CDH13: variants seen among roughly 807,000 people sequenced by gnomAD.
The protein encoded by CDH13 is cadherin-13.
CDH13 carries 24 observed loss-of-function variants against 63.8 expected under a neutral mutation model. The ratio of observed to expected loss-of-function variants is 0.38; its 90% CI spans 0.27 to 0.53. CDH13 has a LOEUF of 0.53. CDH13 is among the 20% of genes least tolerant of loss of function. The probability of loss-of-function intolerance (pLI) is 0.85; values close to 1 mark genes in which losing one functional copy is unlikely to be tolerated. For missense variants in CDH13, 1,049 were observed against 903.1 expected (o/e 1.16, Z -2.07); for synonymous variants, 503 against 355.3 (o/e 1.42, Z -4.67).
At chr16:82,685,387 A>G (rs1337901771) in intron 1 of CDH13, among the ~76,000 whole-genome samples, 2 of 152,188 alleles carry the variant, frequency 1.3e-5, no homozygotes, top group African/African-American at 4.8e-5. Context: ...TACTAATCCC[A>G]TTCATAATGG....
rs74416442 is a variant in CDH13, at chr16:82,802,196, C to T, written c.46-56166C>T. ...CCAAGAGAGGAGGCCAAGCATGCTCCAGTGGCCGCAGAAAGTCCTCAGCAG... is the reference window on the plus strand; with the variant it reads ...CCAAGAGAGGAGGCCAAGCATGCTCTAGTGGCCGCAGAAAGTCCTCAGCAG... On this transcript the variant is annotated intron_variant, in intron 1 of 13. Transcript: ENST00000567109. 4.1e-3 allele frequency among the ~76,000 whole-genome samples: 619 copies of T among 152,232 alleles called. 6 individuals are homozygous for T. Among genetic ancestry groups the T allele is most frequent in the South Asian group, 0.022 (107 of 4,818 alleles).
chr16:83,278,779 A>G (rs2089072407), intron 5 of CDH13, among the ~76,000 whole-genome samples: 1 of 152,212 alleles, frequency 6.6e-6, no homozygotes, highest in Non-Finnish European at 1.5e-5. Context: ...TCTGATTCGC[A>G]TTCTGTGAAG....
chr16:83,681,829 A>G (rs1293319707), intron 10 of CDH13, among the ~76,000 whole-genome samples: 1 of 152,098 alleles, frequency 6.6e-6, no homozygotes, highest in Non-Finnish European at 1.5e-5. Flanking sequence ...TAATCTAATC[A>G]TCTGCGCTGG....
intron 6 of CDH13, among the ~76,000 whole-genome samples, chr16:83,421,453 A>T (rs1489245126): frequency 1.3e-5 from 2 of 152,190 alleles, no homozygotes; most frequent in Non-Finnish European, 2.9e-5. Context: ...TATCCTCTGC[A>T]TGTTGACTTC....
chr16:83,731,650 T>G (rs1197715945), intron 10 of CDH13, among the ~76,000 whole-genome samples: 1 of 152,222 alleles, frequency 6.6e-6, no homozygotes, highest in Admixed American at 6.5e-5. Context: ...CCAATTTTTG[T>G]TTTTGGTGCA....
At chr16:83,551,394 A>G (rs748519296) in intron 7 of CDH13, among the ~76,000 whole-genome samples, 5 of 152,160 alleles carry the variant, frequency 3.3e-5, no homozygotes, top group Admixed American at 6.5e-5. Flanking sequence ...AAGTCTCATC[A>G]TGTTACAACC....
rs528306334 is a variant in CDH13 at position 83,582,877 on chromosome 16, G to C, written c.961-19577G>C. ...AGAAGCATGGTCCATCCACTGAGCA[G>C]AATGGCCATTGGTGGAGTTTGCACT... On this transcript the variant is annotated intron_variant, in intron 7 of 13. Transcript: ENST00000567109. 6.1e-4 allele frequency among the ~76,000 whole-genome samples: 93 copies of C among 152,330 alleles called. 1 individual carries two copies. The highest frequency in any genetic ancestry group is 2.1e-3 in the African/African-American group (89 of 41,572).
chr16:83,771,222 C>T (rs564308471), intron 11 of CDH13, among the ~76,000 whole-genome samples: 1 of 152,238 alleles, frequency 6.6e-6, no homozygotes, highest in African/African-American at 2.4e-5. Flanking sequence ...CACAGTTCTG[C>T]CCTCCCTACA....
At chr16:82,993,714 T>C (rs903080626) in intron 2 of CDH13, among the ~76,000 whole-genome samples, 6 of 152,142 alleles carry the variant, frequency 3.9e-5, no homozygotes, top group African/African-American at 1.2e-4. Flanking sequence ...TGGGGAAGTG[T>C]CTACAGCATT....
intron 2 of CDH13, among the ~76,000 whole-genome samples, chr16:82,889,257 G>T (rs1383209310): frequency 1.3e-5 from 2 of 151,794 alleles, no homozygotes; most frequent in Admixed American, 6.6e-5. Flanking sequence ...GTTAACTGTA[G>T]CACTCTTGAT....
intron 6 of CDH13, among the ~76,000 whole-genome samples, chr16:83,475,648 C>T (rs1373553997): frequency 6.6e-6 from 1 of 151,448 alleles, no homozygotes. Flanking sequence ...GTGGTGTGAT[C>T]TCGGCTCCCT....
chr16:82,798,933 A>C (rs2036717542), intron 1 of CDH13, among the ~76,000 whole-genome samples: 1 of 152,160 alleles, frequency 6.6e-6, no homozygotes, highest in Non-Finnish European at 1.5e-5. Flanking sequence ...AAAGAAACTG[A>C]GGCCCAGAAA....
chr16:83,657,749 C>G (rs12447583), intron 8 of CDH13, among the ~76,000 whole-genome samples: 70,020 of 152,110 alleles, frequency 0.46, 16,952 homozygotes, highest in Non-Finnish European at 0.53. Flanking sequence ...TCTGTGAACT[C>G]CTTGCCATAG....
chr16:82,667,331 C>A (rs376306847), intron 1 of CDH13, among the ~76,000 whole-genome samples: 8 of 152,138 alleles, frequency 5.3e-5, no homozygotes, highest in African/African-American at 1.7e-4. Flanking sequence ...GGGAGGCTTG[C>A]GAAGGCGCGT....
At chr16:83,179,915 G>A (rs1293782096) in intron 4 of CDH13, among the ~76,000 whole-genome samples, 1 of 150,734 alleles carries the variant, frequency 6.6e-6, no homozygotes, top group Non-Finnish European at 1.5e-5. Context: ...ATTTATAAGT[G>A]CTTATGAACA....
At chr16:82,893,209 G>C (rs573734365) in intron 2 of CDH13, among the ~76,000 whole-genome samples, 2 of 152,214 alleles carry the variant, frequency 1.3e-5, no homozygotes, top group Non-Finnish European at 2.9e-5. Context: ...CAAAGGAAAA[G>C]TCTCAGTTTT....
chr16:83,513,019 TAA>T (rs1567726762), intron 7 of CDH13, among the ~76,000 whole-genome samples: 2,287 of 146,562 alleles, frequency 0.016, 20 homozygotes, highest in East Asian at 0.052. Context: ...TGGGAATAAA[TAA>T]AAGAAGAAAA....
At chr16:83,551,101 A>G (rs1192349184) in intron 7 of CDH13, among the ~76,000 whole-genome samples, 4 of 103,684 alleles carry the variant, frequency 3.9e-5, no homozygotes, top group Non-Finnish European at 7.8e-5. Context: ...TCTATCTTTG[A>G]GACAGCTTCT....
intron 1 of CDH13, among the ~76,000 whole-genome samples, chr16:82,716,340 C>G (rs2032370636): frequency 6.6e-6 from 1 of 152,012 alleles, no homozygotes; most frequent in Non-Finnish European, 1.5e-5. Flanking sequence ...TCCATGTCAC[C>G]TTTGCAGAGA....
Sources: gnomAD v4.1 joint callset for allele counts (sites outside exome capture counted in the v4.1 genomes callset) on GRCh38, gnomAD v4.1.1 for gene constraint, MANE v1.5 for transcripts, NCBI Gene and HGNC (gene_info 2026-07-23, HGNC 2026-07-21) for gene names.